The following PRKCA variants were observed in gnomAD, a reference collection of about 807,000 sequenced individuals.
PRKCA encodes the protein protein kinase C alpha type.
In PRKCA, 27 loss-of-function variants were observed where a neutral mutation model predicts 87.0. That is an observed-to-expected ratio of 0.31 (90% CI 0.23 to 0.43). The LOEUF (loss-of-function observed/expected upper bound fraction) is 0.43. Among genes scored for constraint, PRKCA ranks in the 20% least tolerant of loss-of-function variants. The pLI is 1.00. For synonymous variants in PRKCA, 329 were observed against 311.1 expected (o/e 1.06, Z -0.61); for missense variants, 518 against 852.3 (o/e 0.61, Z 4.88).
intron 2 of PRKCA, among the ~76,000 whole-genome samples, chr17:66,490,215 A>G (rs528055442): frequency 6.6e-6 from 1 of 152,296 alleles, no homozygotes; most frequent in Admixed American, 6.5e-5. Context: ...CTCTAGGTTG[A>G]TAAGTTAAAA....
chr17:66,608,324 A>G (rs112291792), intron 3 of PRKCA, among the ~76,000 whole-genome samples: 3 of 152,254 alleles, frequency 2.0e-5, no homozygotes, highest in Non-Finnish European at 2.9e-5. Context: ...ATGATCTACA[A>G]TTTGCAGTTC....
At chr17:66,436,644 G>A (rs1322425465) in intron 2 of PRKCA, among the ~76,000 whole-genome samples, 4 of 152,160 alleles carry the variant, frequency 2.6e-5, no homozygotes, top group Admixed American at 1.3e-4. Flanking sequence ...TGAGAAGAAA[G>A]GATCTTGCTA....
intron 3 of PRKCA, among the ~76,000 whole-genome samples, chr17:66,549,828 G>A (rs1968272433): frequency 1.3e-5 from 2 of 152,124 alleles, no homozygotes; most frequent in Non-Finnish European, 2.9e-5. Context: ...GGTCAGTGGG[G>A]TGTGTTTCTT....
chr17:66,397,268 G>C (rs887668844), intron 2 of PRKCA, among the ~76,000 whole-genome samples: 1 of 121,056 alleles, frequency 8.3e-6, no homozygotes. Flanking sequence ...CCCGGCCCCA[G>C]TGTAGACTTT....
At chr17:66,777,982 G>T (rs1329392191) in intron 14 of PRKCA, 2 of 985,272 alleles carry the variant, frequency 2.0e-6, no homozygotes, top group African/African-American at 1.7e-5. Context: ...CCTTTGGGGG[G>T]TGCATTTTGA....
intron 3 of PRKCA, among the ~76,000 whole-genome samples, chr17:66,624,020 G>A (rs1394954865): frequency 2.0e-5 from 3 of 152,182 alleles, no homozygotes; most frequent in Non-Finnish European, 4.4e-5. Flanking sequence ...AACTTGTAGG[G>A]TGTCATCAAG....
At chr17:66,397,725 G>A (rs1287024529) in intron 2 of PRKCA, among the ~76,000 whole-genome samples, 3 of 152,050 alleles carry the variant, frequency 2.0e-5, no homozygotes, top group East Asian at 1.9e-4. Flanking sequence ...ACATCAAGAT[G>A]TGTAGTCTGT....
intron 2 of PRKCA, among the ~76,000 whole-genome samples, chr17:66,350,850 G>A (rs993016216): frequency 6.6e-6 from 1 of 152,170 alleles, no homozygotes; most frequent in Non-Finnish European, 1.5e-5. Context: ...ACGGTCCCTA[G>A]CCTTCCATGA....
intron 2 of PRKCA, among the ~76,000 whole-genome samples, chr17:66,404,742 CTTTTTTTTT>C (rs773919783): frequency 3.9e-4 from 21 of 54,232 alleles, no homozygotes; most frequent in South Asian, 1.1e-3. Flanking sequence ...GATGGTAGGC[CTTTTTTTTT>C]TTTTTTTTTT....
chr17:66,393,131 A>G lies in PRKCA; in HGVS notation c.205+87004A>G, dbSNP rs903525670. ...GCCAGTGGGTTTCAGAGCACAGGCTATGGTGGGAAGTGGTGGGGAGGGGGA... is the reference window on the plus strand; with the variant it reads ...GCCAGTGGGTTTCAGAGCACAGGCTGTGGTGGGAAGTGGTGGGGAGGGGGA... On this transcript the variant is annotated intron_variant, in intron 2 of 16. Coordinates refer to ENST00000413366, the MANE Select transcript of PRKCA (RefSeq NM_002737.3). Among the ~76,000 whole-genome samples the G allele has an allele frequency of 2.6e-5, 4 of 152,166 alleles. No homozygotes were observed. The South Asian group carries it at 8.3e-4, about 32-fold the overall frequency.
At chr17:66,768,317 A>G (rs1239110996) in intron 13 of PRKCA, among the ~76,000 whole-genome samples, 1 of 147,494 alleles carries the variant, frequency 6.8e-6, no homozygotes, top group African/African-American at 2.5e-5. Flanking sequence ...CAATTCCTGG[A>G]CTCAAGTGAT....
intron 3 of PRKCA, among the ~76,000 whole-genome samples, chr17:66,584,958 T>G (rs1313511310): frequency 1.3e-5 from 2 of 151,892 alleles, no homozygotes; most frequent in Non-Finnish European, 2.9e-5. Flanking sequence ...GGAGTGAGTT[T>G]AAGAGCAGGA....
At chr17:66,786,809 C>G (rs2144378151) in intron 14 of PRKCA, 58 bp from the exon 15 acceptor site, 1 of 1,416,182 alleles carries the variant, frequency 7.1e-7, no homozygotes, top group East Asian at 2.3e-5. Flanking sequence ...CTTCAGGCAC[C>G]ATGTGAATGA....
At chr17:66,621,153 G>T (rs12452290) in intron 3 of PRKCA, among the ~76,000 whole-genome samples, 7,929 of 152,226 alleles carry the variant, frequency 0.052, 273 homozygotes, top group Admixed American at 0.076. Flanking sequence ...TTGTTCTCAA[G>T]ATTCTGGATT....
At chr17:66,362,665 C>A (rs1364242342) in intron 2 of PRKCA, among the ~76,000 whole-genome samples, 1 of 132,400 alleles carries the variant, frequency 7.6e-6, no homozygotes, top group South Asian at 2.7e-4. Flanking sequence ...TAGTGAGGTG[C>A]CTTGCAGGTT....
intron 2 of PRKCA, among the ~76,000 whole-genome samples, chr17:66,444,119 C>T (rs897272566): frequency 1.3e-5 from 2 of 152,136 alleles, no homozygotes; most frequent in African/African-American, 4.8e-5. Flanking sequence ...CTGGTGTTAG[C>T]ACAAAGCTGA....
At chr17:66,437,754 G>A (rs1913485796) in intron 2 of PRKCA, among the ~76,000 whole-genome samples, 1 of 127,092 alleles carries the variant, frequency 7.9e-6, no homozygotes, top group Non-Finnish European at 1.7e-5. Flanking sequence ...GGTGGGGCGG[G>A]GGCGGCTTCA....
rs541369920 is a variant in PRKCA at position 66,339,138 on chromosome 17, A to G, written c.205+33011A>G. Among the ~76,000 whole-genome samples, 357 of 152,330 alleles carry G rather than the reference A, an allele frequency of 2.3e-3. 1 individual carries two copies. Among genetic ancestry groups the G allele is most frequent in the Non-Finnish European group, 4.2e-3 (289 of 68,036 alleles). ...GTGCTTGAATGAAAGGGTAACTGTT[A>G]CAGTATCAACCAAGAGATAGAGGAT... On this transcript the variant is annotated intron_variant, in intron 2 of 16. Transcript: ENST00000413366.
intron 5 of PRKCA, among the ~76,000 whole-genome samples, chr17:66,670,899 C>A (rs1972161120): frequency 6.6e-6 from 1 of 151,626 alleles, no homozygotes; most frequent in African/African-American, 2.4e-5. Context: ...AAAATAAATG[C>A]AAAGAAAACA....
Sources: gnomAD v4.1 joint callset for allele counts (sites outside exome capture counted in the v4.1 genomes callset) on GRCh38, gnomAD v4.1.1 for gene constraint, MANE v1.5 for transcripts, NCBI Gene and HGNC (gene_info 2026-07-23, HGNC 2026-07-21) for gene names.